The following CLCN5 variants were observed in gnomAD, a reference collection of about 807,000 sequenced individuals.
CLCN5 encodes the protein Cl-/H+ antiporter 5, also known as H(+)/Cl(-) exchange transporter 5.
Under a neutral mutation model 54.0 loss-of-function variants are expected in CLCN5, and 17 were observed. That is an observed-to-expected ratio of 0.31 (90% confidence interval 0.22 to 0.47). The LOEUF (loss-of-function observed/expected upper bound fraction) is 0.47. Ranked by LOEUF, CLCN5 falls within the 20% of genes least tolerant of loss-of-function variation. CLCN5 has a pLI of 1.00. For missense variants in CLCN5, 448 were observed against 646.7 expected (o/e 0.69, Z 3.33); for synonymous variants, 222 against 233.0 (o/e 0.95, Z 0.43).
chrX:49,971,264 T>A (rs1488631439), intron 3 of CLCN5, among the ~76,000 whole-genome samples: 5 of 103,947 alleles, frequency 4.8e-5, no homozygotes, highest in Admixed American at 1.1e-4. Context: ...TTATATATAT[T>A]TTTATATATA....
intron 4 of CLCN5, among the ~76,000 whole-genome samples, chrX:50,069,245 G>A (rs1557191264): frequency 2.7e-5 from 3 of 111,952 alleles, no homozygotes; most frequent in Non-Finnish European, 5.6e-5. Flanking sequence ...TGAAGGATCA[G>A]GGAGGGACAT....
rs782213907 is a variant in CLCN5 at position 50,086,654 on chromosome X, T to C, written c.1341T>C (p.Thr447=). 9.1e-6 allele frequency: 11 copies of C among 1,210,519 alleles called. No homozygotes were observed. The highest frequency in any genetic ancestry group is 1.2e-5 in the Non-Finnish European group (11 of 895,135). ...TCCTGGCTTTCCCCAATGAATACAC[T>C]CGGATGAGCACAAGTGAGCTCATTT... ...TAILAFPNEY[T]RMSTSELISE... Residue 447 remains threonine, a synonymous_variant, in exon 11 of 15, where the codon ACT becomes ACC. Transcript: ENST00000376091.
chrX:49,926,657 A>G (rs1557168055), intron 3 of CLCN5, among the ~76,000 whole-genome samples: 1 of 112,127 alleles, frequency 8.9e-6, no homozygotes, highest in Admixed American at 9.5e-5. Context: ...GCGACCTCAG[A>G]TGAAGCAGGG....
chrX:50,040,485 A>C (rs947440973), intron 3 of CLCN5, among the ~76,000 whole-genome samples: 5 of 112,058 alleles, frequency 4.5e-5, no homozygotes, highest in Non-Finnish European at 9.4e-5. Flanking sequence ...TCACATTTGC[A>C]CAGATTTCAA....
chrX:49,937,219 A>G, intron 3 of CLCN5, among the ~76,000 whole-genome samples: 1 of 111,959 alleles, frequency 8.9e-6, no homozygotes, highest in East Asian at 2.8e-4. Context: ...GAATTCGTGT[A>G]TATGTGTTCT....
chrX:49,956,438 A>C (rs1927323744), intron 3 of CLCN5, among the ~76,000 whole-genome samples: 2 of 112,437 alleles, frequency 1.8e-5, no homozygotes, highest in African/African-American at 6.5e-5. Context: ...GGATCATTAA[A>C]TCAGCTAATA....
intron 7 of CLCN5, among the ~76,000 whole-genome samples, chrX:50,077,812 CAAAAAAAAAAAAAAAAAAAAAA>C (rs35768604): frequency 3.1e-4 from 7 of 22,332 alleles, no homozygotes; most frequent in African/African-American, 1.5e-3. Flanking sequence ...CCTGTCTCTA[CAAAAAAAAAAAAAAAAAAAAAA>C]AAAAAAAAAA....
At chrX:49,950,949 T>C (rs1927013857) in intron 3 of CLCN5, among the ~76,000 whole-genome samples, 1 of 111,747 alleles carries the variant, frequency 8.9e-6, no homozygotes, top group Non-Finnish European at 1.9e-5. Flanking sequence ...ATAGTCACCC[T>C]GTTGTGCTAT....
chrX:50,081,262 A>G (rs1933687291), intron 8 of CLCN5, among the ~76,000 whole-genome samples: 1 of 110,091 alleles, frequency 9.1e-6, no homozygotes, highest in Non-Finnish European at 1.9e-5. Flanking sequence ...GACTATACCT[A>G]ACCTTTAAGG....
In CLCN5 at chrX:50,009,985, T is replaced by C. The variant is rs782647116; in HGVS notation, c.17-32331T>C. 2.7e-5 allele frequency among the ~76,000 whole-genome samples: 3 copies of C among 111,188 alleles called. No homozygotes were observed. The South Asian group carries it at 1.2e-3, about 43-fold the overall frequency. On this transcript the variant is annotated intron_variant, in intron 3 of 14. Transcript: ENST00000376091. ...GACTTCGCCCCTGCCTTCCTGGATA[T>C]TATAGCCTGAGAGGAGAATGGACTT...
chrX:49,993,867 A>T (rs1321452119), intron 3 of CLCN5, among the ~76,000 whole-genome samples: 1 of 111,848 alleles, frequency 8.9e-6, no homozygotes, highest in Non-Finnish European at 1.9e-5. Flanking sequence ...GGCAGCTGGG[A>T]AGCAGGGCAG....
intron 3 of CLCN5, among the ~76,000 whole-genome samples, chrX:49,988,450 A>G (rs1278303130): frequency 9.0e-6 from 1 of 111,439 alleles, no homozygotes; most frequent in Non-Finnish European, 1.9e-5. Flanking sequence ...TATTGGCTCC[A>G]GTATAAATTC....
At chrX:49,962,962 A>G (rs1927675553) in intron 3 of CLCN5, among the ~76,000 whole-genome samples, 1 of 111,780 alleles carries the variant, frequency 8.9e-6, no homozygotes, top group African/African-American at 3.3e-5. Flanking sequence ...AGTCCTATAC[A>G]TGGTGGTAAA....
intron 3 of CLCN5, among the ~76,000 whole-genome samples, chrX:50,034,694 A>C (rs782757356): frequency 1.8e-5 from 2 of 111,147 alleles, no homozygotes; most frequent in East Asian, 5.7e-4. Context: ...ACACATGTCA[A>C]TGTCACTAGT....
intron 4 of CLCN5, among the ~76,000 whole-genome samples, chrX:50,068,759 G>C (rs1458950925): frequency 9.0e-6 from 1 of 111,200 alleles, no homozygotes; most frequent in Non-Finnish European, 1.9e-5. Context: ...TTACCAAACA[G>C]TCTGGAGGAA....
rs782403661 is a variant in CLCN5 at position 50,094,106 on chromosome X, G to C, written c.*1887G>C. 4.5e-5 allele frequency: 5 copies of C among 111,937 alleles called. No homozygotes were observed. Among genetic ancestry groups the C allele is most frequent in the Non-Finnish European group, 9.4e-5 (5 of 53,255 alleles). The allele number at this position is 111,937 out of a possible 1,213,427, so 9.2% of individuals were successfully genotyped here. A position where few individuals can be genotyped will look rare whatever the true frequency, so the allele number is the denominator to read the frequency against. On this transcript the variant is annotated 3_prime_UTR_variant, in exon 15 of 15. Transcript: ENST00000376091. Reference sequence around the variant, plus strand: ...TGATTCTAGGACGTTTTTACCCATAGTTCTTGTCTTTCCAAAATCTGAAAT... The same window carrying C: ...TGATTCTAGGACGTTTTTACCCATACTTCTTGTCTTTCCAAAATCTGAAAT...
At chrX:49,988,127 A>G (rs144589967) in intron 3 of CLCN5, among the ~76,000 whole-genome samples, 1,713 of 111,212 alleles carry the variant, frequency 0.015, 29 homozygotes, top group African/African-American at 0.053. Flanking sequence ...TAGAGAAGCA[A>G]GGCCTTTTTA....
chrX:50,027,245 A>G (rs1263333553), intron 3 of CLCN5, among the ~76,000 whole-genome samples: 1 of 110,210 alleles, frequency 9.1e-6, no homozygotes, highest in Non-Finnish European at 1.9e-5. Context: ...TGAACTCCTG[A>G]CCTCGTGATC....
chrX:49,975,499 C>T (rs1928433542), intron 3 of CLCN5, among the ~76,000 whole-genome samples: 1 of 111,676 alleles, frequency 9.0e-6, no homozygotes, highest in African/African-American at 3.3e-5. Context: ...CATGGAACAG[C>T]TGGCAGTTTT....
Sources: gnomAD v4.1 joint callset for allele counts (sites outside exome capture counted in the v4.1 genomes callset) on GRCh38, gnomAD v4.1.1 for gene constraint, MANE v1.5 for transcripts, NCBI Gene and HGNC (gene_info 2026-07-23, HGNC 2026-07-21) for gene names.